The following CTNNA2 variants were observed in gnomAD, a reference collection of about 807,000 sequenced individuals.
CTNNA2 encodes catenin alpha-2.
Under a neutral mutation model 101.0 loss-of-function variants are expected in CTNNA2, and 42 were observed. The observed-to-expected ratio is 0.42, with a 90% CI of 0.32 to 0.54. The LOEUF is 0.54. CTNNA2 is among the 20% of genes least tolerant of loss of function. The pLI is 0.14. For synonymous variants in CTNNA2, 450 were observed against 456.4 expected (o/e 0.99, Z 0.18); for missense variants, 871 against 1,223.1 (o/e 0.71, Z 4.29).
At chr2:79,244,364 C>T (rs1274394673) in intron 2 of CTNNA2, among the ~76,000 whole-genome samples, 1 of 152,218 alleles carries the variant, frequency 6.6e-6, no homozygotes, top group African/African-American at 2.4e-5. Flanking sequence ...CAACACTGTG[C>T]TCTTCCCTTG....
rs1445920427 is a variant in CTNNA2 at position 80,026,569 on chromosome 2, C to A, written c.1056+116772C>A. On this transcript the variant is annotated intron_variant, in intron 7 of 18. Transcript: ENST00000402739. ...TACTTTCTACTCTAGATGAATCAGACAGAAATGAGTCATTTTTTAAATTAC... is the reference window on the plus strand; with the variant it reads ...TACTTTCTACTCTAGATGAATCAGAAAGAAATGAGTCATTTTTTAAATTAC... 5.9e-5 allele frequency among the ~76,000 whole-genome samples: 9 copies of A among 152,276 alleles called. No individual in the cohort carries two copies. In the East Asian group the frequency reaches 1.2e-3, roughly 20 times the overall value.
intron 2 of CTNNA2, among the ~76,000 whole-genome samples, chr2:79,715,855 A>T (rs1049153986): frequency 1.3e-5 from 2 of 152,186 alleles, no homozygotes; most frequent in African/African-American, 4.8e-5. Context: ...AATATCAAGC[A>T]TAAGTAGAAG....
chr2:80,132,644 G>A (rs1022061231), intron 7 of CTNNA2, among the ~76,000 whole-genome samples: 2 of 152,142 alleles, frequency 1.3e-5, no homozygotes, highest in African/African-American at 4.8e-5. Flanking sequence ...GAGAATGGGG[G>A]TGAGAGTCAA....
chr2:79,609,785 A>G (rs142377266), intron 1 of CTNNA2, among the ~76,000 whole-genome samples: 36 of 152,238 alleles, frequency 2.4e-4, no homozygotes, highest in African/African-American at 8.4e-4. Flanking sequence ...CTTACATCAT[A>G]TAACAAAATT....
chr2:80,606,894 A>G (rs1698075559), intron 16 of CTNNA2, among the ~76,000 whole-genome samples: 1 of 151,904 alleles, frequency 6.6e-6, no homozygotes, highest in Non-Finnish European at 1.5e-5. Context: ...GGGAGATATC[A>G]TTTTAAAGTT....
At chr2:80,010,297 G>C (rs1693683284) in intron 7 of CTNNA2, among the ~76,000 whole-genome samples, 1 of 152,042 alleles carries the variant, frequency 6.6e-6, no homozygotes, top group Admixed American at 6.6e-5. Flanking sequence ...TAACTATTCT[G>C]TAGGCCAATT....
intron 7 of CTNNA2, among the ~76,000 whole-genome samples, chr2:80,228,602 G>A (rs1162266188): frequency 6.6e-6 from 1 of 152,028 alleles, no homozygotes; most frequent in East Asian, 1.9e-4. Flanking sequence ...ACTTCCCTTT[G>A]AGGTGTTTCT....
chr2:79,743,183 A>T (rs1224943384), intron 2 of CTNNA2, among the ~76,000 whole-genome samples: 4 of 152,130 alleles, frequency 2.6e-5, no homozygotes, highest in African/African-American at 9.7e-5. Context: ...GATAAAAAAA[A>T]AATACAGCAG....
chr2:80,097,855 A>C (rs1346183323), intron 7 of CTNNA2, among the ~76,000 whole-genome samples: 2 of 152,168 alleles, frequency 1.3e-5, no homozygotes, highest in Non-Finnish European at 2.9e-5. Flanking sequence ...TTTCAGCTCC[A>C]TCAGGTCCTT....
intron 2 of CTNNA2, among the ~76,000 whole-genome samples, chr2:79,711,255 A>G (rs1685719063): frequency 6.6e-6 from 1 of 152,176 alleles, no homozygotes; most frequent in Admixed American, 6.6e-5. Context: ...GGATGAAGAT[A>G]AAGTGGTTTC....
At chr2:80,423,530 G>T (rs1021213005) in intron 9 of CTNNA2, among the ~76,000 whole-genome samples, 3 of 151,980 alleles carry the variant, frequency 2.0e-5, no homozygotes, top group Non-Finnish European at 4.4e-5. Flanking sequence ...ATTAATCACA[G>T]TTATTTCAAA....
At chr2:79,718,172 C>G (rs979320696) in intron 2 of CTNNA2, among the ~76,000 whole-genome samples, 1 of 152,190 alleles carries the variant, frequency 6.6e-6, no homozygotes, top group Non-Finnish European at 1.5e-5. Flanking sequence ...ACTACATACT[C>G]TGATTTCCTC....
intron 9 of CTNNA2, among the ~76,000 whole-genome samples, chr2:80,541,586 T>A (rs1412232460): frequency 6.6e-6 from 1 of 152,156 alleles, no homozygotes; most frequent in Non-Finnish European, 1.5e-5. Flanking sequence ...TAGCGTTTCC[T>A]TCTGTTAGAG....
chr2:80,519,161 T>C (rs4852571), intron 9 of CTNNA2, among the ~76,000 whole-genome samples: 86,612 of 151,934 alleles, frequency 0.57, 26,800 homozygotes, highest in African/African-American at 0.83. Flanking sequence ...GTGTGATTTA[T>C]ATTATAAAAT....
intron 7 of CTNNA2, among the ~76,000 whole-genome samples, chr2:80,096,923 T>G (rs1375224530): frequency 6.6e-6 from 1 of 152,220 alleles, no homozygotes; most frequent in Non-Finnish European, 1.5e-5. Context: ...ATGGGTCTCC[T>G]GAATACAGCA....
At chr2:79,617,944 G>T (rs1194603388) in intron 1 of CTNNA2, among the ~76,000 whole-genome samples, 2 of 152,106 alleles carry the variant, frequency 1.3e-5, no homozygotes, top group African/African-American at 4.8e-5. Flanking sequence ...TTGTCAAAAA[G>T]GATTTTGTCT....
rs541627838 is a variant in CTNNA2, at chr2:80,115,964, G to A, written c.1056+206167G>A. On this transcript the variant is annotated intron_variant, in intron 7 of 18. Transcript: ENST00000402739. ...CTGGAAATAGGATATCAATCAGCCC[G>A]AAATGGGGGCTGTCACATATTAAGC... 2.1e-3 allele frequency among the ~76,000 whole-genome samples: 319 copies of A among 152,236 alleles called. 2 individuals are homozygous for A. The highest frequency in any genetic ancestry group is 7.3e-3 in the African/African-American group (303 of 41,560).
At chr2:80,416,445 TA>T (rs1680055984) in intron 8 of CTNNA2, among the ~76,000 whole-genome samples, 1 of 152,136 alleles carries the variant, frequency 6.6e-6, no homozygotes, top group African/African-American at 2.4e-5. Context: ...AATTTTTCTT[TA>T]ACTGCTTTCT....
At chr2:79,922,628 A>G (rs1052199322) in intron 7 of CTNNA2, among the ~76,000 whole-genome samples, 4 of 144,956 alleles carry the variant, frequency 2.8e-5, no homozygotes, top group African/African-American at 1.0e-4. Flanking sequence ...CTTTAAAACC[A>G]TATCAGTTTT....
Sources: gnomAD v4.1 joint callset for allele counts (sites outside exome capture counted in the v4.1 genomes callset) on GRCh38, gnomAD v4.1.1 for gene constraint, MANE v1.5 for transcripts, NCBI Gene and HGNC (gene_info 2026-07-23, HGNC 2026-07-21) for gene names.